Variants in PRR5L observed in about 807,000 individuals in gnomAD.
PRR5L encodes proline rich 5 like.
A neutral mutation model predicts 36.4 loss-of-function variants in PRR5L; 21 were observed. The ratio of observed to expected loss-of-function variants is 0.58; its 90% CI spans 0.41 to 0.83. The LOEUF (loss-of-function observed/expected upper bound fraction) is 0.83, where lower values mean the gene tolerates loss of function less well. Ranked by LOEUF, PRR5L falls within the 40% of genes least tolerant of loss-of-function variation. The pLI is 0.00. For missense variants in PRR5L, 381 were observed against 473.3 expected (o/e 0.80, Z 1.81); for synonymous variants, 188 against 197.0 (o/e 0.95, Z 0.38).
At chr11:36,433,489 CAT>C (rs1858542730) in intron 5 of PRR5L, among the ~76,000 whole-genome samples, 1 of 152,198 alleles carries the variant, frequency 6.6e-6, no homozygotes, top group Non-Finnish European at 1.5e-5. Flanking sequence ...TTTATCCTCT[CAT>C]GTGTCAAAGG....
intron 1 of PRR5L, among the ~76,000 whole-genome samples, chr11:36,348,871 A>G (rs936541393): frequency 3.3e-5 from 5 of 152,086 alleles, no homozygotes; most frequent in African/African-American, 1.2e-4. Flanking sequence ...GCCCGTGACC[A>G]CTCACGTATA....
intron 1 of PRR5L, among the ~76,000 whole-genome samples, chr11:36,325,296 TCA>T (rs1170193501): frequency 1.3e-5 from 2 of 152,192 alleles, no homozygotes; most frequent in East Asian, 3.8e-4. Context: ...CCTCGCTGGA[TCA>T]GGAGCACAGC....
intron 1 of PRR5L, among the ~76,000 whole-genome samples, chr11:36,300,347 T>C (rs1856361975): frequency 6.6e-6 from 1 of 152,066 alleles, no homozygotes; most frequent in South Asian, 2.1e-4. Context: ...AGGCTCTTTT[T>C]AAATGACCAG....
intron 1 of PRR5L, among the ~76,000 whole-genome samples, chr11:36,382,727 G>A (rs1857391430): frequency 6.6e-6 from 1 of 152,186 alleles, no homozygotes; most frequent in Non-Finnish European, 1.5e-5. Flanking sequence ...CTACCCATTA[G>A]ATGCCCATGG....
At chr11:36,447,075 C>T (rs1348398888) in intron 7 of PRR5L, among the ~76,000 whole-genome samples, 1 of 152,238 alleles carries the variant, frequency 6.6e-6, no homozygotes, top group Non-Finnish European at 1.5e-5. Flanking sequence ...TGCCTAGTGT[C>T]ACTCAATCCC....
intron 1 of PRR5L, chr11:36,321,093 C>T (rs1856609785): frequency 6.6e-6 from 1 of 152,060 alleles, no homozygotes; most frequent in Non-Finnish European, 1.5e-5. Flanking sequence ...GTAACAGAGG[C>T]CTATTTTAAA....
rs566607958 is a variant in PRR5L at position 36,370,880 on chromosome 11, C to CAAA, written c.-125-30108_-125-30106dup. Among the ~76,000 whole-genome samples, 14 of 118,088 alleles carry CAAA rather than the reference C, an allele frequency of 1.2e-4. 5 individuals carry two copies. Among genetic ancestry groups the CAAA allele is most frequent in the African/African-American group, 1.9e-4 (6 of 30,970 alleles). The allele number at this position is 118,088 out of a possible 152,430, so 77.5% of individuals were successfully genotyped here. ...TGGGCAACAGTGGGAGACTCCATCT[C>CAAA]AAAAAAAAAAACAAACAAAAGAAAG... On this transcript the variant is annotated intron_variant, in intron 1 of 8. Coordinates refer to ENST00000530639, the MANE Select transcript of PRR5L (RefSeq NM_001160167.2).
chr11:36,442,227 T>A (rs1220577631), intron 6 of PRR5L, among the ~76,000 whole-genome samples: 1 of 152,238 alleles, frequency 6.6e-6, no homozygotes, highest in Non-Finnish European at 1.5e-5. Context: ...TCCAAATTTT[T>A]ATGCTCTGTT....
intron 8 of PRR5L, among the ~76,000 whole-genome samples, chr11:36,456,842 GC>G (rs1859068453): frequency 6.6e-6 from 1 of 152,222 alleles, no homozygotes; most frequent in Admixed American, 6.5e-5. Context: ...CTGGGCTCAA[GC>G]CCCTGTTGGG....
chr11:36,356,951 A>G (rs1324838352), intron 1 of PRR5L, among the ~76,000 whole-genome samples: 3 of 152,224 alleles, frequency 2.0e-5, no homozygotes, highest in Admixed American at 1.3e-4. Context: ...TTAGTGAGGA[A>G]GGCATGTTGA....
intron 1 of PRR5L, chr11:36,376,284 C>T: frequency 9.2e-7 from 1 of 1,088,444 alleles, no homozygotes; most frequent in Non-Finnish European, 1.2e-6. Context: ...GTGCCCGGGA[C>T]AGGAAAAGTG....
At chr11:36,391,511 C>T (rs1486541278) in intron 1 of PRR5L, among the ~76,000 whole-genome samples, 1 of 152,194 alleles carries the variant, frequency 6.6e-6, no homozygotes, top group Non-Finnish European at 1.5e-5. Flanking sequence ...ATTTCCCGGA[C>T]CCAGGGCCTG....
At chr11:36,342,588 C>T (rs1230813998) in intron 1 of PRR5L, among the ~76,000 whole-genome samples, 1 of 152,156 alleles carries the variant, frequency 6.6e-6, no homozygotes, top group African/African-American at 2.4e-5. Flanking sequence ...TTCAATTTCT[C>T]TGATAAAACC....
intron 7 of PRR5L, among the ~76,000 whole-genome samples, chr11:36,447,702 C>T (rs966934631): frequency 6.6e-6 from 1 of 152,222 alleles, no homozygotes; most frequent in Non-Finnish European, 1.5e-5. Context: ...AGCTGGTGCT[C>T]TCTTTCAGTC....
At chr11:36,435,822 T>C (rs1858593947) in intron 5 of PRR5L, among the ~76,000 whole-genome samples, 1 of 152,202 alleles carries the variant, frequency 6.6e-6, no homozygotes. Context: ...AGCCCCAGTA[T>C]CTGCAAAAAT....
chr11:36,350,632 C>G, intron 1 of PRR5L, among the ~76,000 whole-genome samples: 1 of 151,168 alleles, frequency 6.6e-6, no homozygotes, highest in Admixed American at 6.6e-5. Flanking sequence ...TTTGGTGCAC[C>G]CGTCACGCGA....
chr11:36,441,120 T>C (rs901735157), intron 6 of PRR5L, among the ~76,000 whole-genome samples: 1 of 152,206 alleles, frequency 6.6e-6, no homozygotes, highest in Non-Finnish European at 1.5e-5. Context: ...CCAAATCTCA[T>C]GTCCTTCTCA....
intron 1 of PRR5L, among the ~76,000 whole-genome samples, chr11:36,318,957 A>G (rs957254893): frequency 2.0e-5 from 3 of 152,218 alleles, no homozygotes; most frequent in Non-Finnish European, 4.4e-5. Flanking sequence ...ATTTTTTACT[A>G]GAAAGGTCCT....
intron 1 of PRR5L, among the ~76,000 whole-genome samples, chr11:36,301,883 C>T (rs1856380580): frequency 6.6e-6 from 1 of 152,144 alleles, no homozygotes; most frequent in Admixed American, 6.5e-5. Flanking sequence ...AGAATACCCC[C>T]TCATCTTTTT....
Sources: allele counts gnomAD v4.1 joint callset (sites outside exome capture counted in the v4.1 genomes callset), GRCh38; gene constraint gnomAD v4.1.1; transcripts MANE v1.5; gene names NCBI Gene and HGNC (gene_info 2026-07-23, HGNC 2026-07-21).